SLC25A26: variants seen among roughly 807,000 people sequenced by gnomAD.
The protein encoded by SLC25A26 is mitochondrial S-adenosylmethionine carrier protein.
A neutral mutation model predicts 37.8 loss-of-function variants in SLC25A26; 36 were observed. The ratio of observed to expected loss-of-function variants is 0.95; its 90% CI spans 0.73 to 1.26. The LOEUF (loss-of-function observed/expected upper bound fraction) is 1.26. Ranked by LOEUF, SLC25A26 falls within the 50% of genes most tolerant of loss-of-function variation. SLC25A26 has a pLI of 0.00. For synonymous variants in SLC25A26, 129 were observed against 122.5 expected (o/e 1.05, Z -0.35); for missense variants, 390 against 331.1 (o/e 1.18, Z -1.38).
chr3:66,208,396 G>T (rs1401958190), intron 1 of SLC25A26, among the ~76,000 whole-genome samples: 4 of 151,826 alleles, frequency 2.6e-5, no homozygotes, highest in Non-Finnish European at 1.5e-5. Context: ...CAATGTCAGT[G>T]AACTCGGGAA....
In SLC25A26 at chr3:66,340,852, T is replaced by C. The variant is rs190074632; in HGVS notation, c.454-5512T>C. On this transcript the variant is annotated intron_variant, in intron 5 of 9. Coordinates refer to ENST00000354883, the MANE Select transcript of SLC25A26 (RefSeq NM_001379210.1). Reference sequence around the variant, plus strand: ...TGTCATTTTTATGTAACTTTTTGACTCAGGTTTTGATAATATTGTAAATAT... The same window carrying C: ...TGTCATTTTTATGTAACTTTTTGACCCAGGTTTTGATAATATTGTAAATAT... Among the ~76,000 whole-genome samples, 276 of 151,834 alleles carry C rather than the reference T, an allele frequency of 1.8e-3. 1 individual carries two copies. The highest frequency in any genetic ancestry group is 2.3e-3 in the Non-Finnish European group (154 of 67,912).
chr3:66,307,964 G>C (rs1207902983), intron 5 of SLC25A26, among the ~76,000 whole-genome samples: 2 of 152,128 alleles, frequency 1.3e-5, no homozygotes, highest in African/African-American at 4.8e-5. Flanking sequence ...TTTTTGCTTA[G>C]GATTGTCTTG....
At chr3:66,360,329 G>A (rs946227366) in intron 6 of SLC25A26, among the ~76,000 whole-genome samples, 3 of 151,920 alleles carry the variant, frequency 2.0e-5, no homozygotes, top group African/African-American at 7.3e-5. Context: ...GGTCTTTTTT[G>A]TTAATATTTG....
intron 1 of SLC25A26, among the ~76,000 whole-genome samples, chr3:66,195,389 A>T (rs2071028619): frequency 6.6e-6 from 1 of 152,224 alleles, no homozygotes; most frequent in Non-Finnish European, 1.5e-5. Context: ...CGCGGTAGGG[A>T]GCCATCCGCA....
chr3:66,189,634 G>A (rs946733426), intron 1 of SLC25A26, among the ~76,000 whole-genome samples: 22 of 152,128 alleles, frequency 1.4e-4, no homozygotes, highest in African/African-American at 2.2e-4. Context: ...TTCTCAACTT[G>A]TTTACACATG....
intron 5 of SLC25A26, among the ~76,000 whole-genome samples, chr3:66,312,666 G>A (rs911152035): frequency 1.3e-5 from 2 of 152,188 alleles, no homozygotes; most frequent in Non-Finnish European, 1.5e-5. Flanking sequence ...TGTGGGTTGC[G>A]AAGACTGTGG....
intron 5 of SLC25A26, among the ~76,000 whole-genome samples, chr3:66,312,260 C>T (rs985561427): frequency 8.5e-5 from 13 of 152,192 alleles, no homozygotes; most frequent in Admixed American, 4.6e-4. Context: ...GCCCGAACTT[C>T]GCCGCAGCTT....
chr3:66,231,750 A>G (rs961527274), intron 1 of SLC25A26, among the ~76,000 whole-genome samples: 8 of 137,514 alleles, frequency 5.8e-5, no homozygotes, highest in Non-Finnish European at 1.2e-4. Context: ...GCCAATAAGT[A>G]TGGGTTTACC....
At chr3:66,298,934 AT>A (rs2074989313) in intron 5 of SLC25A26, among the ~76,000 whole-genome samples, 1 of 152,228 alleles carries the variant, frequency 6.6e-6, no homozygotes, top group Admixed American at 6.5e-5. Context: ...TAGAAACAGT[AT>A]GCTAACAAGG....
intron 1 of SLC25A26, among the ~76,000 whole-genome samples, chr3:66,139,440 A>G (rs1443276772): frequency 1.3e-5 from 2 of 152,252 alleles, no homozygotes; most frequent in African/African-American, 2.4e-5. Flanking sequence ...TCCATAATTT[A>G]TAGTGATTTA....
chr3:66,355,530 C>T (rs538502817), intron 6 of SLC25A26, among the ~76,000 whole-genome samples: 2 of 152,208 alleles, frequency 1.3e-5, no homozygotes, highest in East Asian at 1.9e-4. Context: ...GCCACTAGCT[C>T]GTATTGCAAG....
intron 3 of SLC25A26, among the ~76,000 whole-genome samples, chr3:66,261,216 C>T (rs544528689): frequency 2.6e-5 from 4 of 152,286 alleles, no homozygotes; most frequent in Non-Finnish European, 4.4e-5. Flanking sequence ...AGGTGCATAG[C>T]GGCTTAAATA....
In SLC25A26 at chr3:66,223,196, A is replaced by G. The variant is rs545555652; in HGVS notation, c.33+2069A>G. On this transcript the variant is annotated intron_variant, in intron 1 of 9. Coordinates refer to ENST00000354883, the MANE Select transcript of SLC25A26 (RefSeq NM_001379210.1). ...AGGCAAATATTGGTGAACCTCTTAG[A>G]TGGAGTGACCAAGGAAAGCCACGAA... 8.5e-5 allele frequency among the ~76,000 whole-genome samples: 13 copies of G among 152,358 alleles called. No individual in the cohort carries two copies. In the South Asian group the frequency reaches 2.5e-3, roughly 29 times the overall value.
At chr3:66,290,905 G>A (rs1284373782) in intron 5 of SLC25A26, among the ~76,000 whole-genome samples, 1 of 152,118 alleles carries the variant, frequency 6.6e-6, no homozygotes, top group African/African-American at 2.4e-5. Flanking sequence ...GCTCCTCTTT[G>A]TACCTCTGGT....
At chr3:66,215,515 A>T (rs2071347694) in intron 1 of SLC25A26, among the ~76,000 whole-genome samples, 2 of 152,208 alleles carry the variant, frequency 1.3e-5, no homozygotes, top group African/African-American at 4.8e-5. Flanking sequence ...ATGAAAAAAT[A>T]TGTAACCGTT....
At chr3:66,144,733 C>T (rs1284543101) in intron 1 of SLC25A26, among the ~76,000 whole-genome samples, 1 of 152,178 alleles carries the variant, frequency 6.6e-6, no homozygotes, top group Non-Finnish European at 1.5e-5. Flanking sequence ...TCATGGACCC[C>T]ACCAGATGTT....
chr3:66,337,887 A>G (rs1254809612), intron 5 of SLC25A26, among the ~76,000 whole-genome samples: 5 of 152,102 alleles, frequency 3.3e-5, no homozygotes, highest in African/African-American at 1.2e-4. Flanking sequence ...CTACTATTAT[A>G]TTTTTTACAG....
intron 1 of SLC25A26, among the ~76,000 whole-genome samples, chr3:66,178,553 C>G (rs1576615333): frequency 6.6e-6 from 1 of 152,188 alleles, no homozygotes; most frequent in African/African-American, 2.4e-5. Flanking sequence ...ACTTCCCTCA[C>G]TCTTACTTTC....
At chr3:66,209,775 AAAGG>A (rs2071250903) in intron 1 of SLC25A26, among the ~76,000 whole-genome samples, 6 of 137,280 alleles carry the variant, frequency 4.4e-5, no homozygotes, top group Non-Finnish European at 6.3e-5. Context: ...GTATATCTAT[AAAGG>A]TATATATATA....
Sources: gnomAD v4.1 joint callset for allele counts (sites outside exome capture counted in the v4.1 genomes callset) on GRCh38, gnomAD v4.1.1 for gene constraint, MANE v1.5 for transcripts, NCBI Gene and HGNC (gene_info 2026-07-23, HGNC 2026-07-21) for gene names.